The following ADGRG1 variants were observed in gnomAD, a reference collection of about 807,000 sequenced individuals.
ADGRG1 encodes the protein 7-transmembrane protein with no EGF-like N-terminal domains-1.
Under a neutral mutation model 73.5 loss-of-function variants are expected in ADGRG1, and 53 were observed. That is an observed-to-expected ratio of 0.72 (90% CI 0.58 to 0.91). The LOEUF (loss-of-function observed/expected upper bound fraction) is 0.91. ADGRG1 is among the 40% of genes least tolerant of loss of function. ADGRG1 has a pLI of 0.00. For synonymous variants in ADGRG1, 394 were observed against 374.4 expected (o/e 1.05, Z -0.60); for missense variants, 795 against 871.8 (o/e 0.91, Z 1.11).
intron 8 of ADGRG1, 63 bp downstream of exon 8, chr16:57,656,334 T>C: frequency 1.1e-6 from 1 of 932,008 alleles, no homozygotes; most frequent in Non-Finnish European, 1.6e-6. Context: ...TCCTGGGGGG[T>C]GGGGGAGGTG....
At chr16:57,638,086 A>G (rs2039825626) in intron 1 of ADGRG1, among the ~76,000 whole-genome samples, 1 of 152,230 alleles carries the variant, frequency 6.6e-6, no homozygotes, top group African/African-American at 2.4e-5. Flanking sequence ...TGAAAAACTT[A>G]GAGATCAAAG....
intron 1 of ADGRG1, 93 bp downstream of exon 1, chr16:57,628,895 T>TATGAGTGTGTGTGA (rs1294405644): frequency 1.2e-6 from 1 of 839,320 alleles, no homozygotes; most frequent in Non-Finnish European, 1.4e-6. Context: ...AGAGTGTGAG[T>TATGAGTGTGTGTGA]GTGTGAGTGT....
Position 57,661,789 on chromosome 16 carries a change from T to C in ADGRG1, c.1757T>C (p.Met586Thr). ...FLFNMAMLAT[M>T]VVQILRLRPH... ...TTCAACATGGCCATGCTAGCCACCA[T>C]GGTGGTGCAGATCCTGCGGCTGCGC... Residue 586 changes from methionine (M) to threonine (T), a missense_variant, in exon 13 of 14, where the codon ATG (methionine) becomes ACG (threonine). Met to Thr is a moderately conservative substitution (Grantham distance 81). Coordinates refer to ENST00000562631, the MANE Select transcript of ADGRG1 (RefSeq NM_201525.4). 6.2e-7 allele frequency: 1 copy of C among 1,614,260 alleles called. No homozygotes were observed. The highest frequency in any genetic ancestry group is 8.5e-7 in the Non-Finnish European group (1 of 1,180,044).
intron 11 of ADGRG1, 141 bp downstream of exon 11, chr16:57,659,822 C>T (rs1390812593): frequency 1.1e-6 from 1 of 875,040 alleles, no homozygotes; most frequent in Non-Finnish European, 1.8e-6. Flanking sequence ...TGTCCTTCAC[C>T]TTGGCTGAAT....
Position 57,653,326 on chromosome 16 carries a change from C to T in ADGRG1, c.611C>T (p.Pro204Leu), listed in dbSNP as rs984092599. ...QKASRRPSAA[P>L]ASQQLQSLES... ...GCCTCAAGGAGGCCCTCGGCTGCCC[C>T]CGCCAGCCAGTAAGTTTGGCACCTG... The change falls in exon 4 of 14, where the codon CCC becomes CTC. Residue 204 changes from proline to leucine, a missense_variant. Transcript: ENST00000562631. 2.5e-6 allele frequency: 4 copies of T among 1,609,358 alleles called. No individual in the cohort carries two copies. In the Admixed American group the frequency reaches 5.0e-5, roughly 20 times the overall value.
chr16:57,643,760 C>G (rs2041464842), intron 1 of ADGRG1: 2 of 984,730 alleles, frequency 2.0e-6, no homozygotes, highest in Non-Finnish European at 1.2e-6. Context: ...TTGGGGAGCT[C>G]TCTGTGGTCA....
chr16:57,652,793 C>T (rs78547392), intron 3 of ADGRG1: 83,832 of 1,074,272 alleles, frequency 0.078, 3,448 homozygotes, highest in Middle Eastern at 0.085. Flanking sequence ...AGGCCGCCCA[C>T]GCTACCTGGG....
intron 1 of ADGRG1, 74 bp from the exon 2 acceptor site, chr16:57,650,179 G>T: frequency 6.3e-7 from 1 of 1,574,862 alleles, no homozygotes; most frequent in African/African-American, 1.4e-5. Flanking sequence ...TGCCACACTG[G>T]CCTCCTCTTC....
intron 1 of ADGRG1, chr16:57,635,589 G>A (rs747660016): frequency 2.1e-5 from 21 of 985,400 alleles, no homozygotes; most frequent in Non-Finnish European, 2.5e-5. Flanking sequence ...TAGGAAGGAC[G>A]GTAGTGTTTG....
intron 4 of ADGRG1, 85 bp downstream of exon 4, chr16:57,653,420 C>CT: frequency 6.3e-7 from 1 of 1,584,004 alleles, no homozygotes; most frequent in Non-Finnish European, 8.5e-7. Context: ...GGAGTAGGGG[C>CT]TACTGCGAGG....
intron 1 of ADGRG1, chr16:57,645,289 C>T (rs1343718142): frequency 1.0e-6 from 1 of 985,334 alleles, no homozygotes; most frequent in Non-Finnish European, 1.2e-6. Context: ...AGGGGAAGGC[C>T]TCCAGGTGGG....
chr16:57,653,490 A>G (rs2044659864), intron 4 of ADGRG1, 155 bp downstream of exon 4: 1 of 984,880 alleles, frequency 1.0e-6, no homozygotes, highest in Non-Finnish European at 1.2e-6. Context: ...GAGTCAACAC[A>G]TGCCCCCCAG....
upstream of ADGRG1, chr16:57,626,604 C>T (rs2035878838): frequency 5.1e-6 from 5 of 985,464 alleles, no homozygotes; most frequent in South Asian, 2.3e-4. Flanking sequence ...TAAGCCTCTC[C>T]TATGTGGCCA....
At chr16:57,634,612 C>A in intron 1 of ADGRG1, 1 of 357,548 alleles carries the variant, frequency 2.8e-6, no homozygotes, top group Non-Finnish European at 3.9e-6. Context: ...AGTCTCCTGC[C>A]TCTTAGCCTG....
At chr16:57,652,260 A>T in intron 3 of ADGRG1, 8 of 466,100 alleles carry the variant, frequency 1.7e-5, no homozygotes, top group Non-Finnish European at 2.3e-5. Context: ...CAGCACCATT[A>T]AATGCTGAAT....
chr16:57,637,742 G>A, intron 1 of ADGRG1: 1 of 976,798 alleles, frequency 1.0e-6, no homozygotes, highest in Non-Finnish European at 1.2e-6. Flanking sequence ...GGAGGGGCGG[G>A]GGAGAAGGGG....
chr16:57,663,603 T>C lies in ADGRG1; in HGVS notation c.*21T>C, dbSNP rs2148660883. 1.2e-6 allele frequency: 2 copies of C among 1,610,928 alleles called. No individual in the cohort carries two copies. The highest frequency in any genetic ancestry group is 1.7e-6 in the Non-Finnish European group (2 of 1,179,550). On this transcript the variant is annotated 3_prime_UTR_variant, in exon 14 of 14. Transcript: ENST00000562631. ...TCTAGGCCTCCAGCCCACCTGCCCA[T>C]GTGATGAAGCAGAGATTCGGCCTCG... is the stretch of plus-strand genomic sequence containing the variant.
chr16:57,659,290 A>G (rs2046475425), intron 10 of ADGRG1, 123 bp from the exon 11 acceptor site: 5 of 1,570,780 alleles, frequency 3.2e-6, no homozygotes, highest in East Asian at 2.3e-5. Context: ...GATAGGGGCC[A>G]TGTATGACTG....
In ADGRG1 at chr16:57,663,515, T is replaced by G; in HGVS notation, c.1997T>G (p.Leu666Arg). ...RLQARGGPSP[L>R]KSNSDSARLP... ...CAGGCCCGGGGTGGCCCCTCCCCTC[T>G]GAAGAGCAACTCAGACAGCGCCAGG... is the stretch of plus-strand genomic sequence containing the variant. Residue 666 changes from leucine to arginine, a missense_variant, in exon 14 of 14, where the codon CTG becomes CGG. By Grantham distance (102) the Leu-to-Arg change is moderately radical. Transcript: ENST00000562631. 6.2e-7 allele frequency: 1 copy of G among 1,613,952 alleles called. No individual in the cohort carries two copies. Among genetic ancestry groups the G allele is most frequent in the Non-Finnish European group, 8.5e-7 (1 of 1,179,960 alleles).
Sources: allele counts gnomAD v4.1 joint callset (sites outside exome capture counted in the v4.1 genomes callset), GRCh38; gene constraint gnomAD v4.1.1; transcripts MANE v1.5; gene names NCBI Gene and HGNC (gene_info 2026-07-23, HGNC 2026-07-21).